RNF150: variants seen among roughly 807,000 people sequenced by gnomAD.
The protein encoded by RNF150 is ring finger protein 150.
In RNF150, 24 loss-of-function variants were observed where a neutral mutation model predicts 39.3. The ratio of observed to expected loss-of-function variants is 0.61; its 90% CI spans 0.44 to 0.86. The LOEUF is 0.86. RNF150 is among the 40% of genes least tolerant of loss of function. The pLI is 0.00. For missense variants in RNF150, 502 were observed against 587.8 expected, an observed-to-expected ratio of 0.85 and a Z score of 1.51; for synonymous variants, 255 against 227.3, an observed-to-expected ratio of 1.12 and a Z score of -1.10.
At chr4:140,878,110 T>G (rs1000499785) in intron 6 of RNF150, among the ~76,000 whole-genome samples, 1 of 152,036 alleles carries the variant, frequency 6.6e-6, no homozygotes, top group African/African-American at 2.4e-5. Context: ...TTAAATTTTA[T>G]TTATTTATTT....
At chr4:141,163,268 G>A (rs1449963190) in intron 1 of RNF150, among the ~76,000 whole-genome samples, 1 of 152,194 alleles carries the variant, frequency 6.6e-6, no homozygotes, top group Non-Finnish European at 1.5e-5. Context: ...TCCTCTCTGG[G>A]CAGGGCATCT....
intron 1 of RNF150, among the ~76,000 whole-genome samples, chr4:141,008,787 C>T (rs1734960585): frequency 6.6e-6 from 1 of 152,146 alleles, no homozygotes; most frequent in South Asian, 2.1e-4. Context: ...ATCACACTGT[C>T]TTCATTACTG....
chr4:141,006,952 T>C (rs1734892147), intron 1 of RNF150, among the ~76,000 whole-genome samples: 1 of 152,208 alleles, frequency 6.6e-6, no homozygotes, highest in Non-Finnish European at 1.5e-5. Context: ...TAGATATCTG[T>C]AAGAAAACTA....
chr4:141,001,515 G>A (rs995686868), intron 1 of RNF150, among the ~76,000 whole-genome samples: 4 of 152,074 alleles, frequency 2.6e-5, no homozygotes, highest in Admixed American at 2.6e-4. Context: ...ATGACAGGTG[G>A]TCTTTGGGAT....
chr4:141,029,500 A>G (rs1258580612), intron 1 of RNF150, among the ~76,000 whole-genome samples: 1 of 152,180 alleles, frequency 6.6e-6, no homozygotes, highest in Admixed American at 6.6e-5. Context: ...ACAGTAAGAT[A>G]TGTTTCTTAT....
intron 1 of RNF150, among the ~76,000 whole-genome samples, chr4:141,019,837 T>C (rs186622621): frequency 1.3e-5 from 2 of 152,320 alleles, no homozygotes; most frequent in East Asian, 3.9e-4. Context: ...AAGGCAGCTT[T>C]AAACACGTAA....
chr4:141,059,184 C>G (rs1307116209), intron 1 of RNF150, among the ~76,000 whole-genome samples: 1 of 152,182 alleles, frequency 6.6e-6, no homozygotes, highest in African/African-American at 2.4e-5. Context: ...GGACCCATTC[C>G]TTCTCAGCAG....
At chr4:140,892,249 T>C (rs941890470) in intron 6 of RNF150, among the ~76,000 whole-genome samples, 4 of 152,192 alleles carry the variant, frequency 2.6e-5, no homozygotes, top group Non-Finnish European at 5.9e-5. Flanking sequence ...GTGTAATGAA[T>C]CTGTTGAAGT....
intron 5 of RNF150, among the ~76,000 whole-genome samples, chr4:140,917,685 C>T (rs928128786): frequency 7.2e-5 from 11 of 152,196 alleles, no homozygotes; most frequent in South Asian, 4.2e-4. Flanking sequence ...ATGCACCAAG[C>T]GGACCTAATA....
At chr4:141,089,390 G>A (rs1168612257) in intron 1 of RNF150, among the ~76,000 whole-genome samples, 2 of 152,160 alleles carry the variant, frequency 1.3e-5, no homozygotes, top group African/African-American at 4.8e-5. Context: ...GAGGAGAGGG[G>A]TCTTGGATTC....
intron 5 of RNF150, among the ~76,000 whole-genome samples, chr4:140,911,871 G>C (rs874776): frequency 2.6e-5 from 4 of 151,972 alleles, no homozygotes; most frequent in East Asian, 3.8e-4. Flanking sequence ...AACACACACA[G>C]AGCACAGGAT....
At chr4:141,127,506 GCAAT>G in intron 1 of RNF150, among the ~76,000 whole-genome samples, 1 of 152,286 alleles carries the variant, frequency 6.6e-6, no homozygotes, top group South Asian at 2.1e-4. Context: ...GTAGACTTCA[GCAAT>G]CAAAGTAACG....
intron 1 of RNF150, among the ~76,000 whole-genome samples, chr4:141,107,368 T>C (rs1287793359): frequency 1.3e-5 from 2 of 152,210 alleles, no homozygotes; most frequent in Admixed American, 1.3e-4. Context: ...GGTCCTATTA[T>C]TACTATTATT....
chr4:141,072,199 T>C (rs1737732253), intron 1 of RNF150, among the ~76,000 whole-genome samples: 2 of 152,150 alleles, frequency 1.3e-5, no homozygotes, highest in African/African-American at 4.8e-5. Flanking sequence ...CAAGAACTAT[T>C]GCAACAGGTT....
intron 6 of RNF150, among the ~76,000 whole-genome samples, chr4:140,909,376 T>G (rs570718112): frequency 6.6e-6 from 1 of 152,180 alleles, no homozygotes; most frequent in Non-Finnish European, 1.5e-5. Flanking sequence ...ATTTTGAAGA[T>G]AAACATAACT....
chr4:140,984,516 A>G (rs1439756117), intron 1 of RNF150, among the ~76,000 whole-genome samples: 1 of 152,188 alleles, frequency 6.6e-6, no homozygotes, highest in Non-Finnish European at 1.5e-5. Flanking sequence ...GTATTCTGAA[A>G]AAGCTACAAA....
intron 1 of RNF150, among the ~76,000 whole-genome samples, chr4:141,189,204 G>C (rs542980058): frequency 1.3e-5 from 2 of 152,278 alleles, no homozygotes; most frequent in South Asian, 4.1e-4. Flanking sequence ...TCCACACCCT[G>C]TTTGCCTGGG....
At chr4:141,162,892 A>G (rs1727539449) in intron 1 of RNF150, among the ~76,000 whole-genome samples, 2 of 152,202 alleles carry the variant, frequency 1.3e-5, no homozygotes, top group South Asian at 4.1e-4. Context: ...TTGGGCAGAC[A>G]CTGAGCTAGC....
intron 1 of RNF150, among the ~76,000 whole-genome samples, chr4:141,116,497 C>T (rs1739554576): frequency 6.6e-6 from 1 of 152,178 alleles, no homozygotes; most frequent in Non-Finnish European, 1.5e-5. Context: ...ACAACAGATG[C>T]TGGAGAGGAT....
Sources: gnomAD v4.1 joint callset for allele counts (sites outside exome capture counted in the v4.1 genomes callset) on GRCh38, gnomAD v4.1.1 for gene constraint, MANE v1.5 for transcripts, NCBI Gene and HGNC (gene_info 2026-07-23, HGNC 2026-07-21) for gene names.